PHACTR1: variants seen among roughly 807,000 people sequenced by gnomAD.
PHACTR1 encodes RPEL repeat containing 1.
In PHACTR1, 16 loss-of-function variants were observed where a neutral mutation model predicts 69.2. The ratio of observed to expected loss-of-function variants is 0.23; its 90% CI spans 0.16 to 0.35. The LOEUF (loss-of-function observed/expected upper bound fraction) is 0.35. PHACTR1 is among the 10% of genes least tolerant of loss of function. The probability of loss-of-function intolerance (pLI) is 1.00; values close to 1 mark genes in which losing one functional copy is unlikely to be tolerated. For missense variants in PHACTR1, 510 were observed against 734.7 expected, an observed-to-expected ratio of 0.69 and a Z score of 3.54; for synonymous variants, 312 against 284.5, an observed-to-expected ratio of 1.10 and a Z score of -0.97.
At chr6:13,212,683 T>G (rs955752875) in intron 8 of PHACTR1, among the ~76,000 whole-genome samples, 1 of 152,062 alleles carries the variant, frequency 6.6e-6, no homozygotes, top group East Asian at 1.9e-4. Context: ...CCCTCCTCCC[T>G]CACACAGCGG....
At chr6:12,877,559 G>T (rs555459274) in intron 4 of PHACTR1, among the ~76,000 whole-genome samples, 1 of 152,248 alleles carries the variant, frequency 6.6e-6, no homozygotes, top group Non-Finnish European at 1.5e-5. Flanking sequence ...CCGTCTGTTT[G>T]CTCCTGAGCC....
At chr6:12,806,865 C>T (rs193034250) in intron 4 of PHACTR1, among the ~76,000 whole-genome samples, 1 of 152,146 alleles carries the variant, frequency 6.6e-6, no homozygotes, top group Non-Finnish European at 1.5e-5. Context: ...GCCAGCAGGA[C>T]ATATATTTTC....
intron 10 of PHACTR1, among the ~76,000 whole-genome samples, chr6:13,268,314 T>C (rs1346276578): frequency 6.6e-6 from 1 of 152,118 alleles, no homozygotes; most frequent in Admixed American, 6.5e-5. Flanking sequence ...AGAGAACTGA[T>C]AGAGTCAAAT....
chr6:12,873,179 CT>C (rs1024531480), intron 4 of PHACTR1, among the ~76,000 whole-genome samples: 3 of 151,776 alleles, frequency 2.0e-5, no homozygotes, highest in Non-Finnish European at 4.4e-5. Context: ...ACCCAGCTAA[CT>C]TTTTAAAAAA....
chr6:13,085,522 A>G (rs1812129884), intron 5 of PHACTR1, among the ~76,000 whole-genome samples: 1 of 152,130 alleles, frequency 6.6e-6, no homozygotes, highest in Non-Finnish European at 1.5e-5. Flanking sequence ...AGAGTTTAAT[A>G]AACTTCCTAA....
At chr6:12,904,524 A>T (rs1785522441) in intron 4 of PHACTR1, among the ~76,000 whole-genome samples, 1 of 151,580 alleles carries the variant, frequency 6.6e-6, no homozygotes, top group South Asian at 2.1e-4. Context: ...GCAAGAGCAA[A>T]ACTCCATCTC....
At chr6:13,241,933 T>TACTTGG (rs1371774298) in intron 10 of PHACTR1, among the ~76,000 whole-genome samples, 1 of 149,342 alleles carries the variant, frequency 6.7e-6, no homozygotes, top group Non-Finnish European at 1.5e-5. Context: ...CTTGGGAAGC[T>TACTTGG]GAGGCAGGAG....
intron 4 of PHACTR1, among the ~76,000 whole-genome samples, chr6:13,031,653 G>T (rs1243968008): frequency 6.6e-6 from 1 of 152,192 alleles, no homozygotes; most frequent in Non-Finnish European, 1.5e-5. Context: ...TGTCTAGCAG[G>T]ACACCTTTCC....
chr6:13,180,000 T>C lies in PHACTR1; in HGVS notation c.497-2519T>C, dbSNP rs1372090212. 1.3e-5 allele frequency among the ~76,000 whole-genome samples: 2 copies of C among 152,194 alleles called. No individual in the cohort carries two copies. Among genetic ancestry groups the C allele is most frequent in the Admixed American group, 1.3e-4 (2 of 15,274 alleles). ...AAGACGATGGTCCTCACTGCATTTT[T>C]TTCATAATAGCATAAGTCTATCCCT... is the stretch of plus-strand genomic sequence containing the variant. On this transcript the variant is annotated intron_variant, in intron 6 of 14. Coordinates refer to ENST00000332995, the MANE Select transcript of PHACTR1 (RefSeq NM_030948.6). This position sits in a 1 kb window ranked among gnomAD's most constrained non-coding sequence, Gnocchi z 4.2.
intron 3 of PHACTR1, among the ~76,000 whole-genome samples, chr6:12,728,323 A>C (rs1392192563): frequency 6.6e-6 from 1 of 152,180 alleles, no homozygotes; most frequent in Admixed American, 6.5e-5. Context: ...TCTTTAAAAA[A>C]ATCAAGAAGA....
intron 5 of PHACTR1, among the ~76,000 whole-genome samples, chr6:13,127,372 GC>G (rs1819693782): frequency 6.6e-6 from 1 of 152,282 alleles, no homozygotes; most frequent in East Asian, 1.9e-4. Context: ...CTTGAGACCA[GC>G]CTGGGCAACA....
chr6:13,045,915 TCTG>T (rs1804954967), intron 4 of PHACTR1, among the ~76,000 whole-genome samples: 2 of 152,178 alleles, frequency 1.3e-5, no homozygotes, highest in African/African-American at 4.8e-5. Context: ...CCTGAGCAAA[TCTG>T]CTGAGAAGTT....
chr6:13,148,775 C>T (rs1823841302), intron 5 of PHACTR1, among the ~76,000 whole-genome samples: 1 of 152,132 alleles, frequency 6.6e-6, no homozygotes, highest in Non-Finnish European at 1.5e-5. Context: ...AAATCAAAAC[C>T]AAAATTGTTA....
chr6:13,148,805 A>T (rs1462898108), intron 5 of PHACTR1, among the ~76,000 whole-genome samples: 1 of 152,230 alleles, frequency 6.6e-6, no homozygotes, highest in African/African-American at 2.4e-5. Context: ...GATACTCTGT[A>T]GTACTGGGCT....
At chr6:12,995,359 T>C (rs1797304356) in intron 4 of PHACTR1, among the ~76,000 whole-genome samples, 1 of 148,908 alleles carries the variant, frequency 6.7e-6, no homozygotes, top group African/African-American at 2.5e-5. Flanking sequence ...AAAACCAAAA[T>C]AATATGAAAC....
At chr6:12,745,176 C>T (rs921145577) in intron 3 of PHACTR1, among the ~76,000 whole-genome samples, 17 of 152,132 alleles carry the variant, frequency 1.1e-4, no homozygotes, top group African/African-American at 4.1e-4. Flanking sequence ...AATATCACAT[C>T]CTTCTTTCTC....
chr6:13,113,263 G>C (rs1394446156), intron 5 of PHACTR1, among the ~76,000 whole-genome samples: 1 of 152,080 alleles, frequency 6.6e-6, no homozygotes, highest in Non-Finnish European at 1.5e-5. Flanking sequence ...GGTCAAAACT[G>C]ATCCAAGAAG....
chr6:12,801,925 T>A (rs1773749059), intron 4 of PHACTR1, among the ~76,000 whole-genome samples: 1 of 151,976 alleles, frequency 6.6e-6, no homozygotes, highest in Admixed American at 6.6e-5. Flanking sequence ...AAATAAATTG[T>A]CAGACATTGT....
intron 4 of PHACTR1, among the ~76,000 whole-genome samples, chr6:12,774,491 A>G (rs769589888): frequency 2.0e-5 from 3 of 152,110 alleles, no homozygotes; most frequent in Non-Finnish European, 4.4e-5. Context: ...TCCAGGGTTC[A>G]AGCAATTCTC....
Sources: allele counts gnomAD v4.1 joint callset (sites outside exome capture counted in the v4.1 genomes callset), GRCh38; gene constraint gnomAD v4.1.1; non-coding constraint Gnocchi (gnomAD v3.1); transcripts MANE v1.5; gene names NCBI Gene and HGNC (gene_info 2026-07-23, HGNC 2026-07-21).